The following NRGN variants were observed in gnomAD, a reference collection of about 807,000 sequenced individuals.
NRGN encodes the protein calmodulin-binding protein.
For synonymous variants in NRGN, 47 were observed against 52.8 expected (o/e 0.89, Z 0.47); for missense variants, 82 against 123.0 (o/e 0.67, Z 1.58).
rs776911616 is a variant in NRGN, at chr11:124,745,107, G to T, written c.16-396G>T. ...CTGGACTCAGACTGGGTCCTTCTGAGCTGGAGGTACCCTCTGAGAGCAGGG... is the reference window on the plus strand; with the variant it reads ...CTGGACTCAGACTGGGTCCTTCTGATCTGGAGGTACCCTCTGAGAGCAGGG... On this transcript the variant is annotated intron_variant, in intron 1 of 3. Coordinates refer to ENST00000284292, the MANE Select transcript of NRGN (RefSeq NM_006176.3). This position sits in a 1 kb window ranked among gnomAD's most constrained non-coding sequence, Gnocchi z 6.4. 1.3e-5 allele frequency among the ~76,000 whole-genome samples: 2 copies of T among 152,132 alleles called. No individual in the cohort carries two copies. Among genetic ancestry groups the T allele is most frequent in the Non-Finnish European group, 2.9e-5 (2 of 68,020 alleles).
chr11:124,741,583 C>T (rs772604450), intron 1 of NRGN, among the ~76,000 whole-genome samples: 1 of 151,948 alleles, frequency 6.6e-6, no homozygotes, highest in African/African-American at 2.4e-5. Context: ...ATGGGCTCCT[C>T]ATGGAGGTTC....
chr11:124,740,031 C>A lies in NRGN; in HGVS notation c.-54C>A. 2 of 1,081,480 alleles carry A rather than the reference C, an allele frequency of 1.8e-6. No individual in the cohort carries two copies. Among genetic ancestry groups the A allele is most frequent in the Non-Finnish European group, 2.4e-6 (2 of 818,838 alleles). The allele number at this position is 1,081,480 out of a possible 1,614,324, so 67.0% of individuals were successfully genotyped here. ...GCCCCCACCCGGCACCACACAGACC[C>A]CACCCCCGCCCTGCGCCAGCCTTCG... On this transcript the variant is annotated 5_prime_UTR_variant, in exon 1 of 4. Coordinates refer to ENST00000284292, the MANE Select transcript of NRGN (RefSeq NM_006176.3). The surrounding 1 kb of genome is among the most constrained non-coding windows in gnomAD (Gnocchi z 7.5).
At chr11:124,743,293 C>T (rs1385028025) in intron 1 of NRGN, among the ~76,000 whole-genome samples, 1 of 152,202 alleles carries the variant, frequency 6.6e-6, no homozygotes, top group Non-Finnish European at 1.5e-5. Flanking sequence ...ATCCCTTCCT[C>T]CACTCAACCT....
intron 1 of NRGN, among the ~76,000 whole-genome samples, chr11:124,742,982 G>A (rs1943978137): frequency 6.6e-6 from 1 of 152,164 alleles, no homozygotes; most frequent in Admixed American, 6.5e-5. Flanking sequence ...CCTCCCAGAA[G>A]TCCCTACTTC....
chr11:124,743,689 A>G (rs546335540), intron 1 of NRGN, among the ~76,000 whole-genome samples: 139 of 152,242 alleles, frequency 9.1e-4, no homozygotes, highest in Non-Finnish European at 1.6e-3. Context: ...GGGCTTGGGC[A>G]TCTGGAGTTT....
chr11:124,739,953 G>A lies in NRGN; in HGVS notation c.-132G>A, dbSNP rs1358427818. The A allele has an allele frequency of 1.1e-5, 5 of 454,628 alleles. No homozygotes were observed. In the East Asian group the frequency reaches 1.4e-4, roughly 13 times the overall value. The allele number at this position is 454,628 out of a possible 1,614,324, so 28.2% of individuals were successfully genotyped here. Reference sequence around the variant, plus strand: ...GAGCCGAGCGCGGGAGACCGGACCCGAGAGCAGAGCTGCTGTTTCGGCGCG... The same window carrying A: ...GAGCCGAGCGCGGGAGACCGGACCCAAGAGCAGAGCTGCTGTTTCGGCGCG... On this transcript the variant is annotated 5_prime_UTR_variant, in exon 1 of 4. Coordinates refer to ENST00000284292, the MANE Select transcript of NRGN (RefSeq NM_006176.3).
intron 1 of NRGN, among the ~76,000 whole-genome samples, chr11:124,743,255 G>A (rs575168472): frequency 9.2e-5 from 14 of 152,216 alleles, no homozygotes; most frequent in Non-Finnish European, 1.6e-4. Flanking sequence ...GTGACAGCAG[G>A]TCGGGTCTAG....
At position 124,739,958 on chromosome 11, in the gene NRGN, CA is replaced by C; in HGVS notation, c.-126del. On this transcript the variant is annotated 5_prime_UTR_variant, in exon 1 of 4. Coordinates refer to ENST00000284292, the MANE Select transcript of NRGN (RefSeq NM_006176.3). ...GAGCGCGGGAGACCGGACCCGAGAG[CA>C]GAGCTGCTGTTTCGGCGCGGGTCGG... 1 of 463,382 alleles carries C rather than the reference CA, an allele frequency of 2.2e-6. No individual in the cohort carries two copies. The highest frequency in any genetic ancestry group is 5.5e-5 in the South Asian group (1 of 18,180). 28.7% of individuals were successfully genotyped at this position (463,382 alleles called of 1,614,324 possible).
At position 124,745,375 on chromosome 11, in the gene NRGN, C is replaced by T; in HGVS notation, c.16-128C>T. 1 of 576,540 alleles carries T rather than the reference C, an allele frequency of 1.7e-6. No homozygotes were observed. The highest frequency in any genetic ancestry group is 2.9e-6 in the Non-Finnish European group (1 of 347,326). 35.7% of individuals were successfully genotyped at this position (576,540 alleles called of 1,614,324 possible). A position where few individuals can be genotyped will look rare whatever the true frequency, so the allele number is the denominator to read the frequency against. Reference sequence around the variant, plus strand: ...CCCTGCCATAGCCCTGCTCCAGGCTCGACACCCCTCTCTGTACCTCCCACC... The same window carrying T: ...CCCTGCCATAGCCCTGCTCCAGGCTTGACACCCCTCTCTGTACCTCCCACC... On this transcript the variant is annotated intron_variant, in intron 1 of 3. Coordinates refer to ENST00000284292, the MANE Select transcript of NRGN (RefSeq NM_006176.3). The surrounding 1 kb of genome is among the most constrained non-coding windows in gnomAD (Gnocchi z 6.4).
At chr11:124,742,393 A>C (rs1333908687) in intron 1 of NRGN, among the ~76,000 whole-genome samples, 1 of 152,124 alleles carries the variant, frequency 6.6e-6, no homozygotes, top group Non-Finnish European at 1.5e-5. Flanking sequence ...GCTCAGATAG[A>C]AATGAGGAAG....
Position 124,745,863 on chromosome 11 carries a change from A to G in NRGN, c.*6-102A>G, listed in dbSNP as rs1944005634. ...AAGGGTTGGGGGATAGAAATCCGAG[A>G]TGGGAGGTGGGTGGGAAGAGGCTGA... is the stretch of plus-strand genomic sequence containing the variant. On this transcript the variant is annotated intron_variant, in intron 2 of 3. Coordinates refer to ENST00000284292, the MANE Select transcript of NRGN (RefSeq NM_006176.3). The surrounding 1 kb of genome is among the most constrained non-coding windows in gnomAD (Gnocchi z 6.4). 3 of 420,532 alleles carry G rather than the reference A, an allele frequency of 7.1e-6. No homozygotes were observed. The highest frequency in any genetic ancestry group is 1.2e-5 in the Non-Finnish European group (3 of 248,578). 26.1% of individuals were successfully genotyped at this position (420,532 alleles called of 1,614,324 possible). A position where few individuals can be genotyped will look rare whatever the true frequency, so the allele number is the denominator to read the frequency against.
At chr11:124,741,809 T>A (rs905069647) in intron 1 of NRGN, among the ~76,000 whole-genome samples, 2 of 152,036 alleles carry the variant, frequency 1.3e-5, no homozygotes, top group South Asian at 4.1e-4. Context: ...GGAATTGGTC[T>A]CCTCTGTGTC....
Position 124,745,699 on chromosome 11 carries a change from C to T in NRGN, c.212C>T (p.Ala71Val). The change falls in exon 2 of 4, where the codon GCG (alanine) becomes GTG (valine). Residue 71 changes from alanine to valine, a missense_variant. Physicochemically the swap from Ala to Val is moderately conservative, Grantham distance 64. Coordinates refer to ENST00000284292, the MANE Select transcript of NRGN (RefSeq NM_006176.3). This position sits in a 1 kb window ranked among gnomAD's most constrained non-coding sequence, Gnocchi z 6.4. Reference sequence around the variant, plus strand: ...GGAGCTGGGGTGGCCCGGGGAGGCGCGGGCGGCGGCCCCAGCGGAGACTAG... The same window carrying T: ...GGAGCTGGGGTGGCCCGGGGAGGCGTGGGCGGCGGCCCCAGCGGAGACTAG... Reference protein sequence around the residue: ...PGGAGVARGGAGGGPSGD With the variant: ...PGGAGVARGGVGGGPSGD The T allele has an allele frequency of 7.1e-7, 1 of 1,401,888 alleles. No homozygotes were observed. Among genetic ancestry groups the T allele is most frequent in the Non-Finnish European group, 9.2e-7 (1 of 1,084,590 alleles). 86.8% of individuals were successfully genotyped at this position (1,401,888 alleles called of 1,614,324 possible).
rs1591420598 is a variant in NRGN, at chr11:124,739,978, G to C, written c.-107G>C. ...GAGAGCAGAGCTGCTGTTTCGGCGC[G>C]GGTCGGCTGGCGGCCGACTGCCCCA... On this transcript the variant is annotated 5_prime_UTR_variant, in exon 1 of 4. Coordinates refer to ENST00000284292, the MANE Select transcript of NRGN (RefSeq NM_006176.3). 2.0e-6 allele frequency: 1 copy of C among 494,972 alleles called. No individual in the cohort carries two copies. Among genetic ancestry groups the C allele is most frequent in the Non-Finnish European group, 3.5e-6 (1 of 286,198 alleles). 30.7% of individuals were successfully genotyped at this position (494,972 alleles called of 1,614,324 possible).
rs1409125950 is a variant in NRGN, at chr11:124,745,546, C to T, written c.59C>T (p.Pro20Leu). ...CCGGACGACGACATTCTAGACATCC[C>T]GCTGGACGATCCCGGCGCCAACGCG... The part of the protein sequence containing the change: ...SKPDDDILDI[P>L]LDDPGANAAA... Residue 20 changes from proline to leucine, a missense_variant, in exon 2 of 4, where the codon CCG (proline) becomes CTG (leucine). Physicochemically the swap from Pro to Leu is moderately conservative, Grantham distance 98. Transcript: ENST00000284292. The surrounding 1 kb of genome is among the most constrained non-coding windows in gnomAD (Gnocchi z 6.4). 2 of 1,605,692 alleles carry T rather than the reference C, an allele frequency of 1.2e-6. No homozygotes were observed. The highest frequency in any genetic ancestry group is 1.1e-5 in the South Asian group (1 of 89,862).
At chr11:124,741,400 A>C (rs570388710) in intron 1 of NRGN, among the ~76,000 whole-genome samples, 12 of 152,338 alleles carry the variant, frequency 7.9e-5, no homozygotes, top group African/African-American at 2.9e-4. Context: ...TGATTATAAA[A>C]GTAATCTGCT....
At chr11:124,743,465 C>T (rs1295724078) in intron 1 of NRGN, among the ~76,000 whole-genome samples, 1 of 152,222 alleles carries the variant, frequency 6.6e-6, no homozygotes, top group Admixed American at 6.5e-5. Flanking sequence ...CTTTTCTGAG[C>T]ACCCTAGACC....
At position 124,745,697 on chromosome 11, in the gene NRGN, C is replaced by T; in HGVS notation, c.210C>T (p.Gly70=). 1.4e-6 allele frequency: 2 copies of T among 1,401,722 alleles called. No homozygotes were observed. 86.8% of individuals were successfully genotyped at this position (1,401,722 alleles called of 1,614,324 possible). ...GPGGAGVARG[G]AGGGPSGD is the part of the protein sequence containing the mutation. ...GCGGAGCTGGGGTGGCCCGGGGAGGCGCGGGCGGCGGCCCCAGCGGAGACT... is the reference window on the plus strand; with the variant it reads ...GCGGAGCTGGGGTGGCCCGGGGAGGTGCGGGCGGCGGCCCCAGCGGAGACT... Residue 70 remains glycine (G), a synonymous_variant, in exon 2 of 4, where the codon GGC becomes GGT. Transcript: ENST00000284292. This position sits in a 1 kb window ranked among gnomAD's most constrained non-coding sequence, Gnocchi z 6.4.
At position 124,745,385 on chromosome 11, in the gene NRGN, C is replaced by T. The variant is rs1944000073; in HGVS notation, c.16-118C>T. Reference sequence around the variant, plus strand: ...GCCCTGCTCCAGGCTCGACACCCCTCTCTGTACCTCCCACCCCCGCGTCGC... The same window carrying T: ...GCCCTGCTCCAGGCTCGACACCCCTTTCTGTACCTCCCACCCCCGCGTCGC... On this transcript the variant is annotated intron_variant, in intron 1 of 3. Coordinates refer to ENST00000284292, the MANE Select transcript of NRGN (RefSeq NM_006176.3). This position sits in a 1 kb window ranked among gnomAD's most constrained non-coding sequence, Gnocchi z 6.4. 1 of 635,774 alleles carries T rather than the reference C, an allele frequency of 1.6e-6. No individual in the cohort carries two copies. Among genetic ancestry groups the T allele is most frequent in the South Asian group, 2.3e-5 (1 of 42,838 alleles). 39.4% of individuals were successfully genotyped at this position (635,774 alleles called of 1,614,324 possible). A position where few individuals can be genotyped will look rare whatever the true frequency, so the allele number is the denominator to read the frequency against.
Sources: allele counts gnomAD v4.1 joint callset (sites outside exome capture counted in the v4.1 genomes callset), GRCh38; gene constraint gnomAD v4.1.1; non-coding constraint Gnocchi (gnomAD v3.1); transcripts MANE v1.5; gene names NCBI Gene and HGNC (gene_info 2026-07-23, HGNC 2026-07-21).